The following CEP85L variants were observed in gnomAD, a reference collection of about 807,000 sequenced individuals.
CEP85L encodes centrosomal protein 85L.
A neutral mutation model predicts 100.3 loss-of-function variants in CEP85L; 60 were observed. That is an observed-to-expected ratio of 0.60 (90% CI 0.49 to 0.74). The LOEUF (loss-of-function observed/expected upper bound fraction) is 0.74, where lower values mean the gene tolerates loss of function less well. CEP85L is among the 30% of genes least tolerant of loss of function. The probability of loss-of-function intolerance (pLI) is 0.00; values close to 1 mark genes in which losing one functional copy is unlikely to be tolerated. For synonymous variants in CEP85L, 319 were observed against 322.7 expected (o/e 0.99, Z 0.12); for missense variants, 973 against 936.2 (o/e 1.04, Z -0.51).
At chr6:118,607,696 T>C (rs1772320329) in intron 2 of CEP85L, among the ~76,000 whole-genome samples, 1 of 152,132 alleles carries the variant, frequency 6.6e-6, no homozygotes, top group African/African-American at 2.4e-5. Flanking sequence ...CTCCCCTAAG[T>C]TGGGCCTCTA....
intron 3 of CEP85L, among the ~76,000 whole-genome samples, chr6:118,554,139 T>TGG (rs1778708499): frequency 6.6e-6 from 1 of 151,886 alleles, no homozygotes; most frequent in African/African-American, 2.4e-5. Flanking sequence ...AATACAAAAA[T>TGG]TAGCCAGGCA....
chr6:118,500,748 C>G (rs1040030688), intron 5 of CEP85L, among the ~76,000 whole-genome samples: 1 of 152,202 alleles, frequency 6.6e-6, no homozygotes, highest in African/African-American at 2.4e-5. Flanking sequence ...GGGTGCTCAA[C>G]AAGCTACAAT....
At chr6:118,523,709 T>A (rs1246800534) in intron 4 of CEP85L, 93 bp downstream of exon 4, 1 of 582,046 alleles carries the variant, frequency 1.7e-6, no homozygotes, top group African/African-American at 1.9e-5. Flanking sequence ...AGGTTCTAGA[T>A]CTTAAATTCT....
chr6:118,565,835 C>A lies in CEP85L; in HGVS notation c.714G>T (p.Glu238Asp). 1 of 1,614,022 alleles carries A rather than the reference C, an allele frequency of 6.2e-7. No homozygotes were observed. The highest frequency in any genetic ancestry group is 1.1e-5 in the South Asian group (1 of 91,084). ...GAGTAGAGGAAGAGGCTCTAAAGTC[C>A]TCCTTGCTACAGCTCTCAAATTTAT... ...CKYKFESCSK[E>D]DFRASSSTLR... The change falls in exon 3 of 13, where the codon GAG (glutamate) becomes GAT (aspartate). Residue 238 changes from glutamate to aspartate, a missense_variant. Physicochemically the swap from Glu to Asp is conservative, Grantham distance 45. Around this residue, in one of 3 missense-constraint regions of CEP85L, gnomAD observed 890 missense variants for 844.5 expected, o/e 1.05. Coordinates refer to ENST00000368491, the MANE Select transcript of CEP85L (RefSeq NM_001042475.3).
At chr6:118,572,103 G>A (rs191732926) in intron 2 of CEP85L, among the ~76,000 whole-genome samples, 13 of 152,018 alleles carry the variant, frequency 8.6e-5, no homozygotes, top group African/African-American at 2.7e-4. Flanking sequence ...TGATCTGCCC[G>A]CCTTGCCCTC....
chr6:118,682,767 G>A (rs1191620876), intron 1 of CEP85L, among the ~76,000 whole-genome samples: 1 of 59,772 alleles, frequency 1.7e-5, no homozygotes, highest in Non-Finnish European at 3.6e-5. Flanking sequence ...GCATGCCTGA[G>A]CATGCACACA....
intron 6 of CEP85L, among the ~76,000 whole-genome samples, chr6:118,485,303 G>C (rs1276948220): frequency 6.6e-6 from 1 of 152,192 alleles, no homozygotes; most frequent in African/African-American, 2.4e-5. Flanking sequence ...TTAGCAGTAA[G>C]ATGGATTATT....
At chr6:118,706,733 A>G (rs1442910095) in intron 1 of CEP85L, among the ~76,000 whole-genome samples, 1 of 152,076 alleles carries the variant, frequency 6.6e-6, no homozygotes, top group Non-Finnish European at 1.5e-5. Context: ...TTGAACATCT[A>G]ATTCCTTTTT....
chr6:118,649,276 C>G (rs940532668), intron 1 of CEP85L, among the ~76,000 whole-genome samples: 2 of 152,118 alleles, frequency 1.3e-5, no homozygotes, highest in African/African-American at 4.8e-5. Flanking sequence ...TAGTTTATTA[C>G]TGACAAATTG....
intron 1 of CEP85L, among the ~76,000 whole-genome samples, chr6:118,645,759 C>G (rs961568818): frequency 6.6e-6 from 1 of 152,214 alleles, no homozygotes; most frequent in Non-Finnish European, 1.5e-5. Context: ...AGAACCTTAT[C>G]TTTCTTGTTC....
chr6:118,637,649 T>C (rs932456012), intron 1 of CEP85L, among the ~76,000 whole-genome samples: 17 of 123,640 alleles, frequency 1.4e-4, no homozygotes, highest in African/African-American at 5.0e-4. Context: ...GAGGCTGCAG[T>C]AAGCCGAGAT....
In CEP85L at chr6:118,637,703, C is replaced by CAAAAAA. The variant is rs11388747; in HGVS notation, c.74-5098_74-5093dup. ...CCTGGGTAATAAAGCAAGACTGTCT[C>CAAAAAA]AAAAAAAAAAAAAAAAAAAAAAAGT... is the stretch of plus-strand genomic sequence containing the variant. On this transcript the variant is annotated intron_variant, in intron 1 of 12. Transcript: ENST00000368491. Among the ~76,000 whole-genome samples the CAAAAAA allele has an allele frequency of 5.9e-3, 268 of 45,344 alleles. 19 individuals carry two copies. The highest frequency in any genetic ancestry group is 7.4e-3 in the Non-Finnish European group (194 of 26,250). 29.7% of individuals were successfully genotyped at this position (45,344 alleles called of 152,430 possible). A position where few individuals can be genotyped will look rare whatever the true frequency, so the allele number is the denominator to read the frequency against.
intron 2 of CEP85L, among the ~76,000 whole-genome samples, chr6:118,597,046 A>G (rs1222450456): frequency 8.9e-6 from 1 of 112,384 alleles, no homozygotes; most frequent in Non-Finnish European, 2.0e-5. Flanking sequence ...ATGGCTTCAT[A>G]AGGAAATTTT....
At chr6:118,565,176 C>T in intron 3 of CEP85L, 1 of 220,750 alleles carries the variant, frequency 4.5e-6, no homozygotes, top group Non-Finnish European at 9.0e-6. Context: ...AAATCTAAGA[C>T]CTTGTATAGC....
chr6:118,502,830 T>C (rs922844868), intron 5 of CEP85L: 1 of 628,618 alleles, frequency 1.6e-6, no homozygotes, highest in Non-Finnish European at 3.0e-6. Flanking sequence ...CAAAAAGCAA[T>C]GGGGATTTCC....
chr6:118,619,441 T>G lies in CEP85L; in HGVS notation c.232+13012A>C, dbSNP rs117871876. Among the ~76,000 whole-genome samples, 1,058 of 152,310 alleles carry G rather than the reference T, an allele frequency of 6.9e-3. 21 individuals carry two copies. The highest frequency in any genetic ancestry group is 0.022 in the Admixed American group (331 of 15,308). On this transcript the variant is annotated intron_variant, in intron 2 of 12. Transcript: ENST00000368491. ...TGCCCTTCGTGACAATACTGCTCTA[T>G]GCCAAGCCTGCAAGATTTGCCCAAA...
intron 1 of CEP85L, among the ~76,000 whole-genome samples, chr6:118,690,999 GAA>G (rs1279811650): frequency 7.7e-6 from 1 of 130,662 alleles, no homozygotes. Context: ...CCTGTCTCAG[GAA>G]AAAAAAAAAG....
intron 3 of CEP85L, among the ~76,000 whole-genome samples, chr6:118,545,583 C>T (rs1778152648): frequency 6.6e-6 from 1 of 152,120 alleles, no homozygotes; most frequent in East Asian, 1.9e-4. Context: ...TGAGACTCCG[C>T]ACCCCCTTCC....
chr6:118,563,063 G>C (rs746136807), intron 3 of CEP85L, among the ~76,000 whole-genome samples: 12 of 152,158 alleles, frequency 7.9e-5, no homozygotes, highest in Non-Finnish European at 1.3e-4. Flanking sequence ...GCAGCTTAGG[G>C]GTTGCAGGGG....
Sources: gnomAD v4.1 joint callset for allele counts (sites outside exome capture counted in the v4.1 genomes callset) on GRCh38, gnomAD v4.1.1 for gene constraint, gnomAD v4.1.1 regional missense constraint, MANE v1.5 for transcripts, NCBI Gene and HGNC (gene_info 2026-07-23, HGNC 2026-07-21) for gene names.